The following ARMH3 variants were observed in gnomAD, a reference collection of about 807,000 sequenced individuals.
ARMH3 encodes armadillo-like helical domain-containing protein 3.
Under a neutral mutation model 99.1 loss-of-function variants are expected in ARMH3, and 60 were observed. That is an observed-to-expected ratio of 0.61 (90% CI 0.49 to 0.75). The LOEUF (loss-of-function observed/expected upper bound fraction) is 0.75. ARMH3 is among the 30% of genes least tolerant of loss of function. ARMH3 has a pLI of 0.00. For missense variants in ARMH3, 679 were observed against 843.1 expected, an observed-to-expected ratio of 0.81 and a Z score of 2.41; for synonymous variants, 285 against 292.8, an observed-to-expected ratio of 0.97 and a Z score of 0.27.
At chr10:101,993,701 T>C in intron 16 of ARMH3, 98 bp from the exon 17 acceptor site, 1 of 784,502 alleles carries the variant, frequency 1.3e-6, no homozygotes. Context: ...TGAGAACTAC[T>C]TTCAAGGATC....
In ARMH3 at chr10:101,956,741, G is replaced by C; in HGVS notation, c.1579-18C>G. 6.2e-7 allele frequency: 1 copy of C among 1,611,276 alleles called. No homozygotes were observed. The highest frequency in any genetic ancestry group is 2.2e-5 in the East Asian group (1 of 44,820). On this transcript the variant is annotated intron_variant, in intron 21 of 25. Coordinates refer to ENST00000370033, the MANE Select transcript of ARMH3 (RefSeq NM_024541.3). ...TTCACAATCTAAAAAAGAAGGAAAG[G>C]CCCATATATAGGCATCAGGCTATGA...
intron 1 of ARMH3, among the ~76,000 whole-genome samples, chr10:102,051,644 C>G (rs1300332980): frequency 6.6e-6 from 1 of 152,132 alleles, no homozygotes; most frequent in Non-Finnish European, 1.5e-5. Flanking sequence ...ACAATGCTCC[C>G]CTCAGAATGG....
chr10:101,958,188 T>C (rs1845126867), intron 20 of ARMH3, among the ~76,000 whole-genome samples: 1 of 152,222 alleles, frequency 6.6e-6, no homozygotes, highest in African/African-American at 2.4e-5. Context: ...GTATCCATTC[T>C]AACTGGTCAC....
intron 25 of ARMH3, among the ~76,000 whole-genome samples, chr10:101,849,570 C>T (rs2066538501): frequency 6.6e-6 from 1 of 152,196 alleles, no homozygotes; most frequent in African/African-American, 2.4e-5. Flanking sequence ...GGGCTGTCTC[C>T]ATGGCTGCAA....
At chr10:101,902,204 T>C (rs1370497767) in intron 23 of ARMH3, among the ~76,000 whole-genome samples, 2 of 152,174 alleles carry the variant, frequency 1.3e-5, no homozygotes, top group Non-Finnish European at 2.9e-5. Flanking sequence ...ATTGACCAAA[T>C]GCCAACCAAC....
intron 23 of ARMH3, among the ~76,000 whole-genome samples, chr10:101,933,895 T>C (rs891049723): frequency 6.6e-6 from 1 of 152,240 alleles, no homozygotes; most frequent in African/African-American, 2.4e-5. Flanking sequence ...CTAGACTAAG[T>C]TGCATCCTTC....
chr10:101,960,655 C>T lies in ARMH3; in HGVS notation c.1496-2923G>A, dbSNP rs1845252600. ...CCTGTAATCCCAGCACTTTGGGAGG[C>T]TGAGGCAGGCTGATCATGAGGTCAG... On this transcript the variant is annotated intron_variant, in intron 20 of 25. Transcript: ENST00000370033. 2.0e-5 allele frequency among the ~76,000 whole-genome samples: 3 copies of T among 152,034 alleles called. No individual in the cohort carries two copies. In the South Asian group the frequency reaches 6.2e-4, roughly 32 times the overall value.
At chr10:101,898,407 A>G (rs1564732618) in intron 23 of ARMH3, among the ~76,000 whole-genome samples, 2 of 152,128 alleles carry the variant, frequency 1.3e-5, no homozygotes, top group Non-Finnish European at 2.9e-5. Flanking sequence ...ATTCCTCCTC[A>G]TATCCAATAT....
intron 2 of ARMH3, among the ~76,000 whole-genome samples, chr10:102,033,982 C>T (rs2067193363): frequency 1.3e-5 from 2 of 152,168 alleles, no homozygotes; most frequent in South Asian, 4.1e-4. Flanking sequence ...TGTTTTCAAA[C>T]CTATTCACAT....
intron 15 of ARMH3, among the ~76,000 whole-genome samples, chr10:102,001,092 C>G (rs765108644): frequency 6.6e-6 from 1 of 152,226 alleles, no homozygotes; most frequent in South Asian, 2.1e-4. Flanking sequence ...GCTGGGATTA[C>G]AGGCATGAGC....
In ARMH3 at chr10:101,847,366, C is replaced by T; in HGVS notation, c.*162G>A. Reference sequence around the variant, plus strand: ...GATTATCCCTGGCTTGACCCTCCTGCCCCTGCTGCCCAAGCTCCATTGAAG... The same window carrying T: ...GATTATCCCTGGCTTGACCCTCCTGTCCCTGCTGCCCAAGCTCCATTGAAG... On this transcript the variant is annotated 3_prime_UTR_variant, in exon 26 of 26. Coordinates refer to ENST00000370033, the MANE Select transcript of ARMH3 (RefSeq NM_024541.3). 3.0e-6 allele frequency: 2 copies of T among 665,860 alleles called. No individual in the cohort carries two copies. Among genetic ancestry groups the T allele is most frequent in the Non-Finnish European group, 5.2e-6 (2 of 382,018 alleles). The allele number at this position is 665,860 out of a possible 1,614,324, so 41.2% of individuals were successfully genotyped here.
chr10:102,008,451 C>G (rs916914599), intron 13 of ARMH3, among the ~76,000 whole-genome samples: 2 of 152,150 alleles, frequency 1.3e-5, no homozygotes, highest in African/African-American at 4.8e-5. Flanking sequence ...CTCTTCTATG[C>G]CAATTACTGT....
intron 1 of ARMH3, among the ~76,000 whole-genome samples, chr10:102,050,050 C>T (rs754057737): frequency 1.3e-5 from 2 of 150,292 alleles, no homozygotes; most frequent in African/African-American, 2.5e-5. Context: ...GTCTGAGGCA[C>T]GAGAATCGCT....
At chr10:101,948,585 C>G (rs1455285138) in intron 22 of ARMH3, among the ~76,000 whole-genome samples, 1 of 151,974 alleles carries the variant, frequency 6.6e-6, no homozygotes, top group Non-Finnish European at 1.5e-5. Context: ...TATCTAACAG[C>G]AGAGCTACAA....
intron 15 of ARMH3, among the ~76,000 whole-genome samples, chr10:101,996,019 C>A (rs1284920519): frequency 6.6e-6 from 1 of 152,202 alleles, no homozygotes; most frequent in Non-Finnish European, 1.5e-5. Context: ...TCTCTCACAA[C>A]TCACATTCTA....
chr10:102,008,686 G>A (rs984067501), intron 13 of ARMH3, among the ~76,000 whole-genome samples: 6 of 151,892 alleles, frequency 4.0e-5, no homozygotes, highest in South Asian at 2.1e-4. Context: ...CCAAGTAGCT[G>A]GGACTACAGG....
chr10:102,037,183 C>CTT (rs201412666), intron 2 of ARMH3, among the ~76,000 whole-genome samples: 11 of 137,372 alleles, frequency 8.0e-5, no homozygotes, highest in Non-Finnish European at 1.1e-4. Flanking sequence ...ATTTTGTTTT[C>CTT]TTTTTTTTTT....
intron 21 of ARMH3, 142 bp downstream of exon 21, chr10:101,957,508 T>C (rs916974947): frequency 1.2e-6 from 1 of 827,128 alleles, no homozygotes; most frequent in Non-Finnish European, 1.8e-6. Flanking sequence ...GGACCACCAG[T>C]CCAGATTCGG....
chr10:102,047,725 G>C (rs920615932), intron 1 of ARMH3, among the ~76,000 whole-genome samples: 7 of 152,056 alleles, frequency 4.6e-5, no homozygotes, highest in African/African-American at 1.7e-4. Flanking sequence ...CTGAGCTCAA[G>C]TGATCTGCCC....
Sources: allele counts gnomAD v4.1 joint callset (sites outside exome capture counted in the v4.1 genomes callset), GRCh38; gene constraint gnomAD v4.1.1; transcripts MANE v1.5; gene names NCBI Gene and HGNC (gene_info 2026-07-23, HGNC 2026-07-21).